The following SLK variants were observed in gnomAD, a reference collection of about 807,000 sequenced individuals.
SLK encodes the protein STE20 like kinase.
Under a neutral mutation model 147.7 loss-of-function variants are expected in SLK, and 67 were observed. The ratio of observed to expected loss-of-function variants is 0.45; its 90% confidence interval spans 0.37 to 0.56. SLK has a LOEUF of 0.56. SLK is among the 20% of genes least tolerant of loss of function. The probability of loss-of-function intolerance (pLI) is 0.00; values close to 1 mark genes in which losing one functional copy is unlikely to be tolerated. For synonymous variants in SLK, 441 were observed against 475.0 expected (o/e 0.93, Z 0.93); for missense variants, 1,136 against 1,438.8 (o/e 0.79, Z 3.41).
At chr10:104,006,186 C>G in intron 11 of SLK, 151 bp downstream of exon 11, 1 of 821,046 alleles carries the variant, frequency 1.2e-6, no homozygotes, top group South Asian at 1.8e-5. Context: ...CATTTTTACC[C>G]TTTTGGTGTT....
intron 4 of SLK, 39 bp downstream of exon 4, chr10:103,993,172 T>G: frequency 6.8e-7 from 1 of 1,472,184 alleles, no homozygotes; most frequent in Middle Eastern, 1.8e-4. Flanking sequence ...GAATTTTTAC[T>G]CTGAAATTTC....
chr10:104,006,220 T>C (rs1343874548), intron 11 of SLK, among the ~76,000 whole-genome samples, 185 bp downstream of exon 11: 1 of 152,212 alleles, frequency 6.6e-6, no homozygotes, highest in Non-Finnish European at 1.5e-5. Flanking sequence ...ATTGATTTAT[T>C]CTTTTTTCTT....
At chr10:103,975,916 T>TTTA (rs1008685185) in intron 1 of SLK, among the ~76,000 whole-genome samples, 1 of 151,840 alleles carries the variant, frequency 6.6e-6, no homozygotes, top group African/African-American at 2.4e-5. Flanking sequence ...CTTTATTTGT[T>TTTA]TTATTATTAT....
chr10:103,987,503 A>G (rs1370776800), intron 1 of SLK, among the ~76,000 whole-genome samples: 4 of 142,268 alleles, frequency 2.8e-5, no homozygotes, highest in South Asian at 2.3e-4. Context: ...TTGTATGTGC[A>G]TGAATTTTAT....
chr10:103,987,447 C>T (rs1284185603), intron 1 of SLK, among the ~76,000 whole-genome samples: 1 of 152,060 alleles, frequency 6.6e-6, no homozygotes, highest in Non-Finnish European at 1.5e-5. Flanking sequence ...GACATTTAGG[C>T]TGATTCACTT....
rs758948733 is a variant in SLK, at chr10:104,003,455, C to G, written c.2277C>G (p.Ser759Arg). ...GCACTGGTTCCACTGCTGATACTAG[C>G]AGTATTGACTTGAATTTATCCATCT... ...DSGTGSTADT[S>R]SIDLNLSISS... The change falls in exon 9 of 19, where the codon AGC becomes AGG. Residue 759 changes from serine (S) to arginine (R), a missense_variant. Around this residue, in one of 6 missense-constraint regions of SLK, gnomAD observed 516 missense variants for 531.3 expected, o/e 0.97. Coordinates refer to ENST00000369755, the MANE Select transcript of SLK (RefSeq NM_014720.4). The G allele has an allele frequency of 6.2e-7, 1 of 1,611,888 alleles. No individual in the cohort carries two copies. The highest frequency in any genetic ancestry group is 8.5e-7 in the Non-Finnish European group (1 of 1,178,652).
chr10:104,001,143 G>A (rs1339491337), intron 7 of SLK, among the ~76,000 whole-genome samples: 18 of 147,656 alleles, frequency 1.2e-4, no homozygotes, highest in South Asian at 2.1e-4. Flanking sequence ...TTTTTATTAC[G>A]AAGTTTTCAA....
chr10:104,011,011 G>A, intron 13 of SLK, 103 bp downstream of exon 13: 1 of 566,874 alleles, frequency 1.8e-6, no homozygotes. Context: ...ATTATTATAT[G>A]ATGTTGACTT....
chr10:104,003,936 C>G (rs1844290475), intron 9 of SLK, among the ~76,000 whole-genome samples: 1 of 152,178 alleles, frequency 6.6e-6, no homozygotes, highest in African/African-American at 2.4e-5. Flanking sequence ...ACAGACATTG[C>G]TACTGCCATG....
At chr10:103,987,482 G>A (rs1844032971) in intron 1 of SLK, among the ~76,000 whole-genome samples, 1 of 151,836 alleles carries the variant, frequency 6.6e-6, no homozygotes, top group Non-Finnish European at 1.5e-5. Context: ...ATGGTGCTTT[G>A]ATGAGTATTT....
intron 4 of SLK, among the ~76,000 whole-genome samples, chr10:103,996,603 T>G (rs1338225234): frequency 6.6e-6 from 1 of 152,188 alleles, no homozygotes; most frequent in East Asian, 1.9e-4. Flanking sequence ...TTTCACCGTG[T>G]TAGCCAAGAT....
chr10:104,008,718 A>T (rs1564660574), intron 12 of SLK, among the ~76,000 whole-genome samples: 1 of 152,224 alleles, frequency 6.6e-6, no homozygotes, highest in Admixed American at 6.5e-5. Context: ...CAACACATTT[A>T]AGTCCTTATA....
chr10:103,968,457 G>A (rs978466092), intron 1 of SLK, among the ~76,000 whole-genome samples: 3 of 152,192 alleles, frequency 2.0e-5, no homozygotes, highest in African/African-American at 7.2e-5. Flanking sequence ...AAACCTTCAT[G>A]TGGTACTAGT....
chr10:104,000,041 C>T, intron 7 of SLK, 93 bp downstream of exon 7: 1 of 563,634 alleles, frequency 1.8e-6, no homozygotes, highest in South Asian at 3.4e-5. Context: ...ACTTAAATTT[C>T]CCTGTGGAGA....
intron 1 of SLK, among the ~76,000 whole-genome samples, chr10:103,976,125 A>G (rs1843867110): frequency 6.6e-6 from 1 of 152,050 alleles, no homozygotes; most frequent in Non-Finnish European, 1.5e-5. Context: ...CTGGTCTCAA[A>G]TTCTTAGGCT....
At chr10:103,969,931 A>G (rs1269400451) in intron 1 of SLK, among the ~76,000 whole-genome samples, 1 of 152,246 alleles carries the variant, frequency 6.6e-6, no homozygotes, top group African/African-American at 2.4e-5. Flanking sequence ...AGAAGGTGGT[A>G]GGTGATTATG....
intron 16 of SLK, among the ~76,000 whole-genome samples, 200 bp from the exon 17 acceptor site, chr10:104,020,288 G>A (rs1432208602): frequency 1.3e-5 from 2 of 152,212 alleles, no homozygotes; most frequent in African/African-American, 4.8e-5. Context: ...TCACTAAGCA[G>A]ATAGGAGGAT....
chr10:104,018,989 T>A, intron 15 of SLK, 81 bp downstream of exon 15: 2 of 1,337,132 alleles, frequency 1.5e-6, no homozygotes. Flanking sequence ...TTAAGTTTCT[T>A]AGATAATGAA....
chr10:104,002,141 TA>T, intron 8 of SLK, 30 bp from the exon 9 acceptor site: 1 of 1,528,366 alleles, frequency 6.5e-7, no homozygotes, highest in Non-Finnish European at 8.8e-7. Flanking sequence ...GGTCATGTTT[TA>T]ACACTAAAAA....
Sources: allele counts gnomAD v4.1 joint callset (sites outside exome capture counted in the v4.1 genomes callset), GRCh38; gene constraint gnomAD v4.1.1; regional missense constraint gnomAD v4.1.1; transcripts MANE v1.5; gene names NCBI Gene and HGNC (gene_info 2026-07-23, HGNC 2026-07-21).